The following EYS variants were observed in gnomAD, a reference collection of about 807,000 sequenced individuals.
EYS encodes protein eyes shut homolog.
In EYS, 250 loss-of-function variants were observed where a neutral mutation model predicts 282.1. The observed-to-expected ratio is 0.89, with a 90% CI of 0.80 to 0.98. The LOEUF (loss-of-function observed/expected upper bound fraction) is 0.98. Ranked by LOEUF, EYS falls within the 50% of genes least tolerant of loss-of-function variation. The pLI is 0.00. For synonymous variants in EYS, 1,355 were observed against 1,282.9 expected, an observed-to-expected ratio of 1.06 and a Z score of -1.20; for missense variants, 4,016 against 3,709.0, an observed-to-expected ratio of 1.08 and a Z score of -2.15.
chr6:65,529,162 C>A (rs1767675304), intron 2 of EYS, among the ~76,000 whole-genome samples: 1 of 151,964 alleles, frequency 6.6e-6, no homozygotes, highest in African/African-American at 2.4e-5. Context: ...AGTATGGGAT[C>A]TTGGCATAAT....
intron 24 of EYS, among the ~76,000 whole-genome samples, chr6:64,616,416 T>C (rs1368893773): frequency 6.6e-6 from 1 of 152,120 alleles, no homozygotes. Flanking sequence ...AAGGAAGATA[T>C]CTGTTTGAGC....
chr6:65,394,742 C>A (rs1372283731), intron 7 of EYS, among the ~76,000 whole-genome samples: 1 of 152,140 alleles, frequency 6.6e-6, no homozygotes, highest in East Asian at 1.9e-4. Context: ...TTCCCCCAAG[C>A]AGCTCTGTAC....
intron 22 of EYS, among the ~76,000 whole-genome samples, chr6:64,650,340 T>C (rs539898701): frequency 6.6e-6 from 1 of 152,094 alleles, no homozygotes; most frequent in East Asian, 1.9e-4. Context: ...TTAACATTAA[T>C]TTAAAAATAC....
At chr6:63,904,159 G>C (rs543946151) in intron 35 of EYS, among the ~76,000 whole-genome samples, 1 of 152,208 alleles carries the variant, frequency 6.6e-6, no homozygotes, top group East Asian at 1.9e-4. Context: ...TTTCTGCTTG[G>C]CTGGGGCCCT....
At chr6:65,664,383 T>A (rs1768129863) in intron 1 of EYS, among the ~76,000 whole-genome samples, 1 of 152,046 alleles carries the variant, frequency 6.6e-6, no homozygotes, top group Non-Finnish European at 1.5e-5. Flanking sequence ...AAGAAGAACA[T>A]CAATCCAGGA....
chr6:65,697,857 T>C (rs2149849570), intron 1 of EYS, among the ~76,000 whole-genome samples: 1 of 152,142 alleles, frequency 6.6e-6, no homozygotes, highest in East Asian at 1.9e-4. Flanking sequence ...TCACAGTTTA[T>C]AAGACACAAG....
At chr6:64,299,125 C>T (rs1018258725) in intron 30 of EYS, among the ~76,000 whole-genome samples, 2 of 152,172 alleles carry the variant, frequency 1.3e-5, no homozygotes, top group African/African-American at 2.4e-5. Flanking sequence ...TCCTCTTACC[C>T]TGAGTTAATA....
intron 22 of EYS, among the ~76,000 whole-genome samples, chr6:64,686,846 T>TATATACAC (rs77152981): frequency 9.7e-6 from 1 of 103,338 alleles, no homozygotes; most frequent in East Asian, 2.2e-4. Flanking sequence ...TACGTGTATA[T>TATATACAC]ATATATATGT....
chr6:65,422,796 C>G (rs1324926619), intron 5 of EYS, among the ~76,000 whole-genome samples: 5 of 146,824 alleles, frequency 3.4e-5, no homozygotes, highest in Non-Finnish European at 7.6e-5. Flanking sequence ...AAGCCTCTCT[C>G]TATATAGAGA....
intron 36 of EYS, among the ~76,000 whole-genome samples, chr6:63,827,594 T>C (rs202052740): frequency 6.6e-6 from 1 of 152,136 alleles, no homozygotes; most frequent in East Asian, 1.9e-4. Flanking sequence ...CCTGTAATCC[T>C]AGCACTTTGG....
At chr6:65,528,971 A>T (rs1342667300) in intron 2 of EYS, among the ~76,000 whole-genome samples, 1 of 152,232 alleles carries the variant, frequency 6.6e-6, no homozygotes, top group Non-Finnish European at 1.5e-5. Context: ...ATTCAAGAGA[A>T]AGATAAGAAA....
intron 22 of EYS, among the ~76,000 whole-genome samples, chr6:64,724,185 G>A (rs143750228): frequency 6.2e-4 from 94 of 152,190 alleles, no homozygotes; most frequent in African/African-American, 2.1e-3. Flanking sequence ...AGGTAAAGTC[G>A]GTTATACACT....
intron 18 of EYS, among the ~76,000 whole-genome samples, chr6:64,892,222 T>C (rs908159573): frequency 2.0e-5 from 3 of 151,990 alleles, no homozygotes; most frequent in African/African-American, 2.4e-5. Context: ...ATACTTTTTC[T>C]TGTATTCCAG....
intron 12 of EYS, among the ~76,000 whole-genome samples, chr6:65,179,135 C>T (rs1174653726): frequency 6.6e-6 from 1 of 151,992 alleles, no homozygotes; most frequent in African/African-American, 2.4e-5. Flanking sequence ...GACACCCTAA[C>T]ATCACAACTA....
chr6:64,115,083 G>T (rs1050860985), intron 31 of EYS, among the ~76,000 whole-genome samples: 3 of 152,124 alleles, frequency 2.0e-5, no homozygotes, highest in Non-Finnish European at 4.4e-5. Context: ...TGGCGCTATG[G>T]CTGCTCCAGG....
intron 31 of EYS, among the ~76,000 whole-genome samples, chr6:64,135,304 A>T (rs1208111437): frequency 6.6e-6 from 1 of 152,044 alleles, no homozygotes; most frequent in South Asian, 2.1e-4. Context: ...AGTGATTATA[A>T]ACAAAGAATA....
chr6:65,380,459 C>G (rs1279485256), intron 8 of EYS, among the ~76,000 whole-genome samples: 13 of 152,088 alleles, frequency 8.5e-5, no homozygotes, highest in Non-Finnish European at 1.9e-4. Context: ...ACACCTTATA[C>G]AAAAATTAAC....
intron 26 of EYS, among the ~76,000 whole-genome samples, chr6:64,451,042 C>G (rs1775315382): frequency 6.6e-6 from 1 of 151,940 alleles, no homozygotes; most frequent in Admixed American, 6.6e-5. Flanking sequence ...CACAAAAAAC[C>G]CTTCAAAAAA....
chr6:65,122,501 T>C (rs1177326194), intron 12 of EYS, among the ~76,000 whole-genome samples: 2 of 152,072 alleles, frequency 1.3e-5, no homozygotes, highest in African/African-American at 2.4e-5. Context: ...TGCAGTCTTA[T>C]CTCAGCAAAA....
Sources: gnomAD v4.1 joint callset for allele counts (sites outside exome capture counted in the v4.1 genomes callset) on GRCh38, gnomAD v4.1.1 for gene constraint, MANE v1.5 for transcripts, NCBI Gene and HGNC (gene_info 2026-07-23, HGNC 2026-07-21) for gene names.